The following BMPER variants were observed in gnomAD, a reference collection of about 807,000 sequenced individuals.
BMPER encodes BMP-binding endothelial regulator protein.
A neutral mutation model predicts 87.3 loss-of-function variants in BMPER; 45 were observed. That is an observed-to-expected ratio of 0.52 (90% CI 0.41 to 0.66). The LOEUF (loss-of-function observed/expected upper bound fraction) is 0.66. BMPER is among the 30% of genes least tolerant of loss of function. The pLI, the probability that BMPER is intolerant of heterozygous loss-of-function variation, is 0.00. For missense variants in BMPER, 784 were observed against 867.5 expected, an observed-to-expected ratio of 0.90 and a Z score of 1.21; for synonymous variants, 326 against 316.2, an observed-to-expected ratio of 1.03 and a Z score of -0.33.
intron 11 of BMPER, among the ~76,000 whole-genome samples, chr7:34,062,927 C>T (rs1479597587): frequency 6.6e-6 from 1 of 152,134 alleles, no homozygotes; most frequent in Non-Finnish European, 1.5e-5. Flanking sequence ...CTTGAAAGTT[C>T]CTTCTAAGCA....
At chr7:33,953,684 A>G (rs1785082756) in intron 3 of BMPER, among the ~76,000 whole-genome samples, 1 of 152,194 alleles carries the variant, frequency 6.6e-6, no homozygotes, top group South Asian at 2.1e-4. Flanking sequence ...TTTAAAATAT[A>G]CAATTTGATG....
intron 13 of BMPER, among the ~76,000 whole-genome samples, chr7:34,114,939 G>A (rs1017829254): frequency 1.3e-5 from 2 of 152,194 alleles, no homozygotes; most frequent in Non-Finnish European, 2.9e-5. Flanking sequence ...AGAGAGTCAA[G>A]GAAATGTGTT....
chr7:33,990,328 C>T (rs2127925220), intron 6 of BMPER, among the ~76,000 whole-genome samples: 1 of 136,758 alleles, frequency 7.3e-6, no homozygotes, highest in South Asian at 2.4e-4. Context: ...AGAGGTCCTT[C>T]ACATCCCTTG....
At chr7:34,119,940 A>G (rs1386641548) in intron 13 of BMPER, among the ~76,000 whole-genome samples, 1 of 152,182 alleles carries the variant, frequency 6.6e-6, no homozygotes, top group Non-Finnish European at 1.5e-5. Context: ...TATCAGATGA[A>G]ATAAAATTAA....
chr7:33,959,616 T>C (rs1408345326), intron 3 of BMPER, among the ~76,000 whole-genome samples: 4 of 152,164 alleles, frequency 2.6e-5, no homozygotes, highest in African/African-American at 9.7e-5. Context: ...AATGCAAGAA[T>C]GGTGGGTGAT....
intron 2 of BMPER, among the ~76,000 whole-genome samples, chr7:33,936,259 C>A (rs758828224): frequency 7.9e-5 from 12 of 152,288 alleles, no homozygotes; most frequent in Admixed American, 2.0e-4. Flanking sequence ...GCAGAGCCGG[C>A]CAGTTGCTCC....
chr7:34,003,461 T>C (rs779334448), intron 6 of BMPER, among the ~76,000 whole-genome samples: 3 of 152,004 alleles, frequency 2.0e-5, no homozygotes, highest in African/African-American at 4.8e-5. Context: ...TTTTGTATTA[T>C]GCAGTTTCCG....
chr7:34,153,417 T>C lies in BMPER; in HGVS notation c.*144T>C. 5 of 772,760 alleles carry C rather than the reference T, an allele frequency of 6.5e-6. No individual in the cohort carries two copies. Among genetic ancestry groups the C allele is most frequent in the South Asian group, 1.8e-5 (1 of 56,670 alleles). 47.9% of individuals were successfully genotyped at this position (772,760 alleles called of 1,614,324 possible). ...ATATGTGTATATATATATAGATATA[T>C]TCAAAAACATTGCATCATTTATATG... On this transcript the variant is annotated 3_prime_UTR_variant, in exon 15 of 15. Transcript: ENST00000649409.
At chr7:34,001,216 T>C (rs992264721) in intron 6 of BMPER, among the ~76,000 whole-genome samples, 1 of 151,904 alleles carries the variant, frequency 6.6e-6, no homozygotes, top group African/African-American at 2.4e-5. Flanking sequence ...TCTACTCTTA[T>C]TTTTTGGAAA....
intron 3 of BMPER, among the ~76,000 whole-genome samples, chr7:33,956,132 G>A (rs868530526): frequency 5.3e-5 from 8 of 152,192 alleles, no homozygotes; most frequent in South Asian, 2.1e-4. Flanking sequence ...TGTAAAACTC[G>A]TAGAAAACGT....
chr7:34,032,261 A>G (rs968088142), intron 6 of BMPER, among the ~76,000 whole-genome samples: 5 of 151,968 alleles, frequency 3.3e-5, no homozygotes, highest in African/African-American at 9.7e-5. Context: ...TCCCTTAACC[A>G]TATGTACTTC....
At chr7:33,941,978 T>A (rs1390536546) in intron 3 of BMPER, among the ~76,000 whole-genome samples, 1 of 152,126 alleles carries the variant, frequency 6.6e-6, no homozygotes, top group Non-Finnish European at 1.5e-5. Flanking sequence ...GTCAGGCCTC[T>A]TGCGGAGGTG....
At chr7:34,088,067 A>G (rs73112314) in intron 13 of BMPER, among the ~76,000 whole-genome samples, 15,677 of 152,216 alleles carry the variant, frequency 0.1, 936 homozygotes, top group Non-Finnish European at 0.14. Flanking sequence ...CAGCATCTAC[A>G]ATGGAGGATG....
At chr7:34,103,855 C>T (rs1326656502) in intron 13 of BMPER, among the ~76,000 whole-genome samples, 2 of 152,178 alleles carry the variant, frequency 1.3e-5, no homozygotes, top group Non-Finnish European at 1.5e-5. Flanking sequence ...GTCAAGCTCA[C>T]CCTGGAGGTG....
At chr7:34,058,582 G>A (rs570025508) in intron 10 of BMPER, among the ~76,000 whole-genome samples, 11 of 152,244 alleles carry the variant, frequency 7.2e-5, no homozygotes, top group Non-Finnish European at 1.3e-4. Context: ...TTCCCCAAGG[G>A]GTTTCTCCTG....
At chr7:33,997,710 G>C (rs1282819497) in intron 6 of BMPER, among the ~76,000 whole-genome samples, 1 of 152,142 alleles carries the variant, frequency 6.6e-6, no homozygotes, top group Non-Finnish European at 1.5e-5. Context: ...TGGGCTCCCT[G>C]TTGTTCCTTG....
Position 34,143,183 on chromosome 7 carries a change from T to C in BMPER, c.1746-47T>C, listed in dbSNP as rs762669922. The stretch of plus-strand genomic sequence containing the variant: ...TCTGAAGTTATATTTAGGGTGTTTA[T>C]GGTTTGATATTTTTAAATGTTTCTA... On this transcript the variant is annotated intron_variant, in intron 13 of 14. Coordinates refer to ENST00000649409, the MANE Select transcript of BMPER (RefSeq NM_001365308.1). The C allele has an allele frequency of 9.3e-6, 15 of 1,610,904 alleles. No homozygotes were observed. The East Asian group carries it at 2.2e-4, about 24-fold the overall frequency.
chr7:34,133,239 C>T lies in BMPER; in HGVS notation c.1746-9991C>T, dbSNP rs571673583. Reference sequence around the variant, plus strand: ...TTGGACTTTCAGCCTCTCCCTCTAGCCTCCAAGGAGGGGAGAGGGGCTGAA... The same window carrying T: ...TTGGACTTTCAGCCTCTCCCTCTAGTCTCCAAGGAGGGGAGAGGGGCTGAA... On this transcript the variant is annotated intron_variant, in intron 13 of 14. Coordinates refer to ENST00000649409, the MANE Select transcript of BMPER (RefSeq NM_001365308.1). Among the ~76,000 whole-genome samples, 5 of 152,212 alleles carry T rather than the reference C, an allele frequency of 3.3e-5. No homozygotes were observed. The South Asian group carries it at 8.3e-4, about 25-fold the overall frequency.
At position 34,079,051 on chromosome 7, in the gene BMPER, C is replaced by G; in HGVS notation, c.1273C>G (p.Leu425Val). The change falls in exon 12 of 15, where the codon CTG becomes GTG. Residue 425 changes from leucine to valine, a missense_variant. Leu to Val is a conservative substitution (Grantham distance 32). Coordinates refer to ENST00000649409, the MANE Select transcript of BMPER (RefSeq NM_001365308.1). ...GTGGACCAAGTCGGTGGAGCTGGTG[C>G]TGGGCGAGAGCAGGGTCAGCCTGCA... ...FSWTKSVELV[L>V]GESRVSLQQH... The G allele has an allele frequency of 6.2e-7, 1 of 1,614,212 alleles. No individual in the cohort carries two copies. The highest frequency in any genetic ancestry group is 8.5e-7 in the Non-Finnish European group (1 of 1,180,024).
Sources: gnomAD v4.1 joint callset for allele counts (sites outside exome capture counted in the v4.1 genomes callset) on GRCh38, gnomAD v4.1.1 for gene constraint, MANE v1.5 for transcripts, NCBI Gene and HGNC (gene_info 2026-07-23, HGNC 2026-07-21) for gene names.